Variants in CYFIP1 observed in about 807,000 individuals in gnomAD.
The protein encoded by CYFIP1 is cytoplasmic FMR1-interacting protein 1.
A neutral mutation model predicts 163.5 loss-of-function variants in CYFIP1; 58 were observed. The observed-to-expected ratio is 0.35, with a 90% CI of 0.29 to 0.44. The LOEUF is 0.44. Ranked by LOEUF, CYFIP1 falls within the 20% of genes least tolerant of loss-of-function variation. CYFIP1 has a pLI of 1.00. For synonymous variants in CYFIP1, 663 were observed against 660.7 expected, an observed-to-expected ratio of 1.00 and a Z score of -0.05; for missense variants, 1,338 against 1,653.8, an observed-to-expected ratio of 0.81 and a Z score of 3.31.
At chr15:22,889,571 C>T (rs143927273) in intron 23 of CYFIP1, among the ~76,000 whole-genome samples, 3,324 of 152,296 alleles carry the variant, frequency 0.022, 58 homozygotes, top group Non-Finnish European at 0.032. Context: ...GAGGCCCCTT[C>T]CAGGACTCGA....
chr15:22,944,751 T>G, intron 4 of CYFIP1, 92 bp from the exon 5 acceptor site: 1 of 1,512,048 alleles, frequency 6.6e-7, no homozygotes, highest in Non-Finnish European at 9.2e-7. Flanking sequence ...CGCCCTGCTG[T>G]GGGGTGAGAA....
chr15:22,974,217 G>T (rs1388456625), intron 1 of CYFIP1, among the ~76,000 whole-genome samples: 1 of 152,052 alleles, frequency 6.6e-6, no homozygotes, highest in East Asian at 1.9e-4. Flanking sequence ...CCAAGAGATC[G>T]CTGTACCCCA....
intron 1 of CYFIP1, among the ~76,000 whole-genome samples, chr15:22,964,349 TCACTCACACACACACACACACA>T (rs1428799900): frequency 3.3e-4 from 13 of 39,560 alleles, no homozygotes; most frequent in African/African-American, 1.1e-3. Flanking sequence ...CGCAACCTCA[TCACTCACACACACACACACACA>T]CACACACACA....
chr15:22,915,537 T>C (rs985395393), intron 16 of CYFIP1, among the ~76,000 whole-genome samples: 1 of 151,714 alleles, frequency 6.6e-6, no homozygotes, highest in African/African-American at 2.4e-5. Flanking sequence ...GATCACAAGG[T>C]CAGGAGTTTG....
At position 22,939,471 on chromosome 15, in the gene CYFIP1, C is replaced by T; in HGVS notation, c.606G>A (p.Gln202=). Residue 202 remains glutamine (Q), a synonymous_variant, in exon 7 of 31, where the codon CAG becomes CAA. Transcript: ENST00000617928. ...ACAGATTCTGCGATTCCTGGATGGA[C>T]TGTGGATCTGCCATTTTACGTAAAA... ...AQFLRKMADP[Q]SIQESQNLSM... The T allele has an allele frequency of 6.2e-7, 1 of 1,604,230 alleles. No homozygotes were observed.
chr15:22,911,055 C>T (rs2060771517), intron 18 of CYFIP1, among the ~76,000 whole-genome samples: 1 of 152,052 alleles, frequency 6.6e-6, no homozygotes, highest in Non-Finnish European at 1.5e-5. Context: ...GTGCCCACCA[C>T]CATTAGCCTG....
chr15:22,915,103 C>T (rs1289807879), intron 16 of CYFIP1: 2 of 428,054 alleles, frequency 4.7e-6, no homozygotes, highest in Non-Finnish European at 8.1e-6. Context: ...CCTGTGAGCC[C>T]TTCAGTGGGA....
At chr15:22,897,419 A>G (rs1447734032) in intron 22 of CYFIP1, among the ~76,000 whole-genome samples, 1 of 151,338 alleles carries the variant, frequency 6.6e-6, no homozygotes, top group East Asian at 1.9e-4. Flanking sequence ...ACTTGTAGGG[A>G]TGGGCATAAT....
chr15:22,873,765 T>A (rs2059502980), intron 28 of CYFIP1, 36 bp from the exon 29 acceptor site: 1 of 1,528,514 alleles, frequency 6.5e-7, no homozygotes, highest in African/African-American at 1.4e-5. Flanking sequence ...GCCGTGGGCC[T>A]CCAGGCATCC....
chr15:22,941,307 C>A (rs1372682395), intron 6 of CYFIP1, among the ~76,000 whole-genome samples: 3 of 152,088 alleles, frequency 2.0e-5, no homozygotes, highest in Non-Finnish European at 4.4e-5. Flanking sequence ...AGTGATCCTT[C>A]TGCCTCAGCC....
chr15:22,944,381 C>T (rs1294339769), intron 5 of CYFIP1, among the ~76,000 whole-genome samples, 177 bp downstream of exon 5: 2 of 152,078 alleles, frequency 1.3e-5, no homozygotes, highest in African/African-American at 2.4e-5. Flanking sequence ...GCGTTGATTC[C>T]GAAAGGGCAT....
At chr15:22,883,282 T>C (rs966915652) in intron 23 of CYFIP1, among the ~76,000 whole-genome samples, 19 of 152,162 alleles carry the variant, frequency 1.2e-4, no homozygotes, top group African/African-American at 3.6e-4. Context: ...TTTTGAAGTC[T>C]AGAATGAGAA....
At chr15:22,894,523 C>T (rs571510448) in intron 22 of CYFIP1, among the ~76,000 whole-genome samples, 1 of 151,586 alleles carries the variant, frequency 6.6e-6, no homozygotes, top group South Asian at 2.1e-4. Flanking sequence ...CTCCTGACTT[C>T]AAGTGATCCG....
intron 1 of CYFIP1, among the ~76,000 whole-genome samples, chr15:22,963,424 A>T (rs1159296107): frequency 6.6e-6 from 1 of 152,080 alleles, no homozygotes; most frequent in African/African-American, 2.4e-5. Flanking sequence ...CAGGAGGTGG[A>T]GGTTGCAGTG....
At chr15:22,888,195 G>C (rs2059977695) in intron 23 of CYFIP1, among the ~76,000 whole-genome samples, 1 of 152,086 alleles carries the variant, frequency 6.6e-6, no homozygotes, top group Admixed American at 6.6e-5. Context: ...CATAAAAAAA[G>C]CACTAATCTG....
intron 1 of CYFIP1, among the ~76,000 whole-genome samples, chr15:22,967,046 A>T (rs186521427): frequency 2.4e-4 from 37 of 152,158 alleles, no homozygotes; most frequent in African/African-American, 7.7e-4. Context: ...CTGATAAAAG[A>T]TGAAAAGAGA....
chr15:22,888,815 T>C (rs1355951348), intron 23 of CYFIP1, among the ~76,000 whole-genome samples: 4 of 151,452 alleles, frequency 2.6e-5, no homozygotes, highest in Non-Finnish European at 5.9e-5. Context: ...CTGAAGCAGG[T>C]GGATCATTTG....
chr15:22,917,708 C>T lies in CYFIP1; in HGVS notation c.1674+80G>A, dbSNP rs2142110308. The T allele has an allele frequency of 6.8e-7, 1 of 1,472,122 alleles. No homozygotes were observed. The highest frequency in any genetic ancestry group is 2.4e-5 in the Admixed American group (1 of 40,824). 91.2% of individuals were successfully genotyped at this position (1,472,122 alleles called of 1,614,324 possible). On this transcript the variant is annotated intron_variant, in intron 15 of 30. Transcript: ENST00000617928. This position sits in a 1 kb window ranked among gnomAD's most constrained non-coding sequence, Gnocchi z 4.2. ...CAGCGAGGACCTCATTTAACCCGGG[C>T]CTCACCAGCCCCACCCGCTCACAGC...
intron 1 of CYFIP1, among the ~76,000 whole-genome samples, chr15:22,971,547 C>A (rs545211086): frequency 9.2e-5 from 14 of 152,096 alleles, no homozygotes; most frequent in Admixed American, 7.9e-4. Context: ...TAGTGGGCGC[C>A]TGTAATCCCA....
Sources: allele counts gnomAD v4.1 joint callset (sites outside exome capture counted in the v4.1 genomes callset), GRCh38; gene constraint gnomAD v4.1.1; non-coding constraint Gnocchi (gnomAD v3.1); transcripts MANE v1.5; gene names NCBI Gene and HGNC (gene_info 2026-07-23, HGNC 2026-07-21).